The following FBXO11 variants were observed in gnomAD, a reference collection of about 807,000 sequenced individuals.
FBXO11 encodes F-box protein 11, also known as F-box only protein 11.
A neutral mutation model predicts 117.0 loss-of-function variants in FBXO11; 13 were observed. That is an observed-to-expected ratio of 0.11 (90% CI 0.07 to 0.18). The LOEUF is 0.18. FBXO11 is among the 10% of genes least tolerant of loss of function. The probability of loss-of-function intolerance (pLI) is 1.00; values close to 1 mark genes in which losing one functional copy is unlikely to be tolerated. For missense variants in FBXO11, 767 were observed against 1,164.4 expected (o/e 0.66, Z 4.97); for synonymous variants, 490 against 380.5 (o/e 1.29, Z -3.35).
At chr2:47,860,583 T>A (rs1184556325) in intron 1 of FBXO11, among the ~76,000 whole-genome samples, 1 of 151,480 alleles carries the variant, frequency 6.6e-6, no homozygotes, top group Non-Finnish European at 1.5e-5. Flanking sequence ...GCTAATTGTA[T>A]TTTAGTAGAG....
intron 21 of FBXO11, 75 bp from the exon 22 acceptor site, chr2:47,808,502 A>ATG (rs1265029275): frequency 1.5e-4 from 199 of 1,312,528 alleles, no homozygotes; most frequent in Non-Finnish European, 2.0e-4. Flanking sequence ...TTTATATATT[A>ATG]CTATGACCTT....
intron 11 of FBXO11, among the ~76,000 whole-genome samples, chr2:47,828,389 C>G (rs1671923037): frequency 6.6e-6 from 1 of 152,110 alleles, no homozygotes; most frequent in South Asian, 2.1e-4. Context: ...CGGTGGAGCT[C>G]TTGAAGTCAG....
At position 47,812,821 on chromosome 2, in the gene FBXO11, A is replaced by T. The variant is rs538429573; in HGVS notation, c.2227+413T>A. On this transcript the variant is annotated intron_variant, in intron 18 of 22. Transcript: ENST00000403359. ...GGCACATCTTGGCTTCATTAATTCC[A>T]CTCTCCAACAAACACAGTTGAAAAC... 24 of 229,624 alleles carry T rather than the reference A, an allele frequency of 1.0e-4. No individual in the cohort carries two copies. The East Asian group carries it at 2.9e-3, about 28-fold the overall frequency. The allele number at this position is 229,624 out of a possible 1,614,324, so 14.2% of individuals were successfully genotyped here.
chr2:47,842,876 G>T (rs1327924423), intron 1 of FBXO11, among the ~76,000 whole-genome samples: 2 of 151,760 alleles, frequency 1.3e-5, no homozygotes, highest in Non-Finnish European at 2.9e-5. Flanking sequence ...TATCTCCTGG[G>T]CTCAAGCAGC....
At chr2:47,886,847 A>G (rs2103949919) in intron 1 of FBXO11, among the ~76,000 whole-genome samples, 1 of 152,308 alleles carries the variant, frequency 6.6e-6, no homozygotes, top group Admixed American at 6.5e-5. Flanking sequence ...AAGCCTGTGC[A>G]ACACAATGAG....
At chr2:47,832,211 A>T (rs1672247410) in intron 11 of FBXO11, 138 bp downstream of exon 11, 4 of 642,656 alleles carry the variant, frequency 6.2e-6, no homozygotes, top group Non-Finnish European at 9.9e-6. Flanking sequence ...TATTAATTTT[A>T]AAAAATAATG....
At chr2:47,868,258 G>A (rs1168062740) in intron 1 of FBXO11, among the ~76,000 whole-genome samples, 1 of 149,100 alleles carries the variant, frequency 6.7e-6, no homozygotes, top group African/African-American at 2.5e-5. Context: ...ACTACAGCCT[G>A]GGGGTAGAGC....
At chr2:47,837,887 C>T (rs963071306) in intron 4 of FBXO11, among the ~76,000 whole-genome samples, 1 of 151,978 alleles carries the variant, frequency 6.6e-6, no homozygotes, top group African/African-American at 2.4e-5. Flanking sequence ...GGAGCCACCA[C>T]ACCTGGCCTC....
intron 1 of FBXO11, among the ~76,000 whole-genome samples, chr2:47,902,276 G>A (rs1010633789): frequency 2.6e-5 from 4 of 152,132 alleles, no homozygotes; most frequent in African/African-American, 4.8e-5. Flanking sequence ...CCAATCTCAG[G>A]AATTTAAGAA....
Position 47,832,743 on chromosome 2 carries a change from T to C in FBXO11, c.1153+26A>G, listed in dbSNP as rs758393149. The C allele has an allele frequency of 1.6e-5, 26 of 1,607,750 alleles. No homozygotes were observed. The South Asian group carries it at 2.2e-4, about 14-fold the overall frequency. On this transcript the variant is annotated intron_variant, in intron 9 of 22. Transcript: ENST00000403359. The stretch of plus-strand genomic sequence containing the variant: ...CAACATACAGTGACTCAAAATTTTA[T>C]TGTAAAATATAAAGAAAACACTAAC...
intron 16 of FBXO11, 55 bp from the exon 17 acceptor site, chr2:47,813,922 C>T (rs1670814045): frequency 7.7e-7 from 1 of 1,306,004 alleles, no homozygotes. Context: ...CCCATATCTT[C>T]ATGTTACGTG....
chr2:47,813,425 A>ATTTTTTTTTC (rs1670764540), intron 17 of FBXO11, 48 bp from the exon 18 acceptor site: 1 of 327,432 alleles, frequency 3.1e-6, no homozygotes, highest in African/African-American at 5.4e-5. Context: ...TTTCTTTTTA[A>ATTTTTTTTTC]TTTTTTTTTT....
intron 1 of FBXO11, among the ~76,000 whole-genome samples, chr2:47,875,132 A>C (rs148990482): frequency 1.6e-4 from 25 of 152,264 alleles, no homozygotes; most frequent in Admixed American, 7.8e-4. Context: ...AACGATGACA[A>C]TGTTCCGTAT....
intron 1 of FBXO11, chr2:47,883,382 T>C (rs1676579329): frequency 3.5e-6 from 1 of 287,332 alleles, no homozygotes; most frequent in East Asian, 9.1e-5. Context: ...CAGTGCCCTG[T>C]GCATTGCCTT....
chr2:47,888,900 A>G (rs768714235), intron 1 of FBXO11, among the ~76,000 whole-genome samples: 15 of 152,304 alleles, frequency 9.8e-5, no homozygotes, highest in East Asian at 1.9e-4. Flanking sequence ...ATTCAAAGTA[A>G]TTTGATTTGT....
At chr2:47,903,262 A>C (rs1224258607) in intron 1 of FBXO11, among the ~76,000 whole-genome samples, 3 of 152,090 alleles carry the variant, frequency 2.0e-5, no homozygotes, top group African/African-American at 4.8e-5. Context: ...TGCCCTCTTT[A>C]AGACTCACAC....
In FBXO11 at chr2:47,809,252, T is replaced by G; in HGVS notation, c.2461A>C (p.Asn821His). ...GCCTTTTCTATGGCATCTTGATTGT[T>G]CATTATTTTGTTATCTGTAATAAAA... ...NVTMKDNKIM[N>H]NQDAIEKAVS... The change falls in exon 21 of 23, where the codon AAC becomes CAC. Residue 821 changes from asparagine (N) to histidine (H), a missense_variant. By Grantham distance (68) the Asn-to-His change is moderately conservative. This residue lies in a region of FBXO11 where 66 missense variants were observed against 82.7 expected (regional missense o/e 0.80). Coordinates refer to ENST00000403359, the MANE Select transcript of FBXO11 (RefSeq NM_001190274.2). The G allele has an allele frequency of 1.3e-6, 2 of 1,585,244 alleles. No individual in the cohort carries two copies. Among genetic ancestry groups the G allele is most frequent in the South Asian group, 2.3e-5 (2 of 87,676 alleles).
At chr2:47,867,752 T>A (rs1675305227) in intron 1 of FBXO11, among the ~76,000 whole-genome samples, 1 of 152,180 alleles carries the variant, frequency 6.6e-6, no homozygotes, top group South Asian at 2.1e-4. Context: ...ACACATTATC[T>A]GCATATTGTT....
At chr2:47,881,435 A>G (rs1196025477) in intron 1 of FBXO11, among the ~76,000 whole-genome samples, 2 of 152,156 alleles carry the variant, frequency 1.3e-5, no homozygotes, top group African/African-American at 2.4e-5. Context: ...CTATCTCTTT[A>G]GACAATACCT....
Sources: gnomAD v4.1 joint callset for allele counts (sites outside exome capture counted in the v4.1 genomes callset) on GRCh38, gnomAD v4.1.1 for gene constraint, gnomAD v4.1.1 regional missense constraint, MANE v1.5 for transcripts, NCBI Gene and HGNC (gene_info 2026-07-23, HGNC 2026-07-21) for gene names.